IL1RAPL1: variants seen among roughly 807,000 people sequenced by gnomAD.
The protein encoded by IL1RAPL1 is interleukin 1 receptor accessory protein like 1, also known as interleukin-1 receptor accessory protein-like 1.
In IL1RAPL1, 3 loss-of-function variants were observed where a neutral mutation model predicts 48.4. The observed-to-expected ratio is 0.06, with a 90% CI of 0.03 to 0.16. The LOEUF is 0.16. IL1RAPL1 is among the 10% of genes least tolerant of loss of function. The probability of loss-of-function intolerance (pLI) is 1.00; values close to 1 mark genes in which losing one functional copy is unlikely to be tolerated. For missense variants in IL1RAPL1, 349 were observed against 530.6 expected, an observed-to-expected ratio of 0.66 and a Z score of 3.36; for synonymous variants, 185 against 187.7, an observed-to-expected ratio of 0.99 and a Z score of 0.12.
At chrX:28,971,072 T>C (rs1925059338) in intron 2 of IL1RAPL1, among the ~76,000 whole-genome samples, 1 of 111,228 alleles carries the variant, frequency 9.0e-6, no homozygotes, top group Non-Finnish European at 1.9e-5. Context: ...CACACTGCTT[T>C]CCCTGATTTT....
chrX:29,673,083 A>G lies in IL1RAPL1; in HGVS notation c.778+4579A>G, dbSNP rs779104778. The stretch of plus-strand genomic sequence containing the variant: ...AGCACTCCTTGGCTTGTTCCACCAT[A>G]CTGTAGTTGCAGAATTTTAGATTTG... On this transcript the variant is annotated intron_variant, in intron 6 of 10. Coordinates refer to ENST00000378993, the MANE Select transcript of IL1RAPL1 (RefSeq NM_014271.4). 4.5e-5 allele frequency among the ~76,000 whole-genome samples: 5 copies of G among 111,944 alleles called. No homozygotes were observed. In the South Asian group the frequency reaches 1.9e-3, roughly 42 times the overall value.
intron 6 of IL1RAPL1, among the ~76,000 whole-genome samples, chrX:29,802,851 G>GTA (rs1184442660): frequency 1.2e-5 from 1 of 86,071 alleles, no homozygotes; most frequent in Non-Finnish European, 2.2e-5. Flanking sequence ...ACATATATGT[G>GTA]TATATACGTG....
intron 6 of IL1RAPL1, among the ~76,000 whole-genome samples, chrX:29,715,506 T>C (rs1369313401): frequency 8.9e-6 from 1 of 111,823 alleles, no homozygotes; most frequent in Non-Finnish European, 1.9e-5. Context: ...GAGTGACTGA[T>C]TGCCACAAGC....
chrX:29,850,456 C>A (rs1473556760), intron 6 of IL1RAPL1, among the ~76,000 whole-genome samples: 1 of 112,182 alleles, frequency 8.9e-6, no homozygotes, highest in Non-Finnish European at 1.9e-5. Context: ...TAATTGGGAC[C>A]TTAAGGACCC....
chrX:29,721,796 ATGTT>A (rs1451028184), intron 6 of IL1RAPL1, among the ~76,000 whole-genome samples: 2 of 112,076 alleles, frequency 1.8e-5, no homozygotes, highest in Admixed American at 9.5e-5. Flanking sequence ...AGATTGGACA[ATGTT>A]TGAAGAATAT....
chrX:29,660,213 G>A (rs1425406894), intron 5 of IL1RAPL1, among the ~76,000 whole-genome samples: 1 of 111,974 alleles, frequency 8.9e-6, no homozygotes, highest in African/African-American at 3.2e-5. Context: ...ATGAGATTTG[G>A]ATGGGGATGC....
At chrX:29,038,903 G>C (rs183030144) in intron 2 of IL1RAPL1, among the ~76,000 whole-genome samples, 165 of 110,660 alleles carry the variant, frequency 1.5e-3, no homozygotes, top group African/African-American at 5.3e-3. Context: ...TCCAATTTCA[G>C]TTTCTCTAAA....
At chrX:29,409,783 C>T (rs1934117137) in intron 5 of IL1RAPL1, among the ~76,000 whole-genome samples, 1 of 108,130 alleles carries the variant, frequency 9.2e-6, no homozygotes, top group African/African-American at 3.4e-5. Flanking sequence ...TTAACACCTA[C>T]TGAGTGTTCA....
At chrX:28,983,650 C>G (rs1925396527) in intron 2 of IL1RAPL1, among the ~76,000 whole-genome samples, 1 of 111,612 alleles carries the variant, frequency 9.0e-6, no homozygotes, top group Non-Finnish European at 1.9e-5. Flanking sequence ...ATTTCCATAT[C>G]ATATTATTCT....
chrX:28,892,483 T>G (rs1922797714), intron 2 of IL1RAPL1, among the ~76,000 whole-genome samples: 1 of 111,444 alleles, frequency 9.0e-6, no homozygotes, highest in African/African-American at 3.3e-5. Context: ...TTTTACTTCT[T>G]TTGTGATTCT....
chrX:28,634,260 T>G (rs1323511893), intron 1 of IL1RAPL1, among the ~76,000 whole-genome samples: 1 of 110,001 alleles, frequency 9.1e-6, no homozygotes, highest in African/African-American at 3.3e-5. Flanking sequence ...CCTAGGCCTC[T>G]TAACATGCCG....
At chrX:28,760,721 C>T (rs1016377542) in intron 1 of IL1RAPL1, among the ~76,000 whole-genome samples, 2 of 111,824 alleles carry the variant, frequency 1.8e-5, no homozygotes, top group Non-Finnish European at 1.9e-5. Flanking sequence ...CATCACTGAT[C>T]ATCAGAGAAA....
chrX:28,808,792 ATT>A (rs1936759715), intron 2 of IL1RAPL1, among the ~76,000 whole-genome samples: 2 of 110,608 alleles, frequency 1.8e-5, no homozygotes, highest in South Asian at 3.7e-4. Context: ...TGCAATTATT[ATT>A]TTTAGGAGAA....
chrX:29,661,827 A>C (rs1315803827), intron 5 of IL1RAPL1, among the ~76,000 whole-genome samples: 2 of 111,614 alleles, frequency 1.8e-5, no homozygotes, highest in Non-Finnish European at 3.8e-5. Flanking sequence ...AAATTTTGTT[A>C]GTTCTACTTA....
chrX:29,627,534 C>T (rs1924649932), intron 5 of IL1RAPL1, among the ~76,000 whole-genome samples: 1 of 111,999 alleles, frequency 8.9e-6, no homozygotes, highest in South Asian at 3.7e-4. Context: ...ATTTGTTTAA[C>T]GAACTCTCTC....
At chrX:28,964,502 A>G (rs113700028) in intron 2 of IL1RAPL1, among the ~76,000 whole-genome samples, 1,165 of 111,612 alleles carry the variant, frequency 0.01, 16 homozygotes, top group African/African-American at 0.036. Flanking sequence ...TATGGTGCTT[A>G]TTCATTTACA....
At chrX:28,827,518 A>T (rs7885446) in intron 2 of IL1RAPL1, among the ~76,000 whole-genome samples, 10,843 of 111,423 alleles carry the variant, frequency 0.097, 1,084 homozygotes, top group African/African-American at 0.29. Context: ...TTAATTCATA[A>T]AAAGAACCCC....
chrX:29,255,772 C>T (rs1931746993), intron 2 of IL1RAPL1, among the ~76,000 whole-genome samples: 1 of 111,084 alleles, frequency 9.0e-6, no homozygotes, highest in South Asian at 3.8e-4. Flanking sequence ...ATCCGTGTTG[C>T]TGCAAAGGAC....
Position 29,477,952 on chromosome X carries a change from C to G in IL1RAPL1, c.703+78644C>G, listed in dbSNP as rs1266825224. The stretch of plus-strand genomic sequence containing the variant: ...CCAAAAGAACAAACCACAAGTAATT[C>G]ACAGAAGAAATACAAATAGTTAAAA... On this transcript the variant is annotated intron_variant, in intron 5 of 10. Coordinates refer to ENST00000378993, the MANE Select transcript of IL1RAPL1 (RefSeq NM_014271.4). 7.1e-5 allele frequency among the ~76,000 whole-genome samples: 8 copies of G among 112,205 alleles called. No individual in the cohort carries two copies. In the Admixed American group the frequency reaches 7.5e-4, roughly 11 times the overall value.
Sources: allele counts gnomAD v4.1 joint callset (sites outside exome capture counted in the v4.1 genomes callset), GRCh38; gene constraint gnomAD v4.1.1; transcripts MANE v1.5; gene names NCBI Gene and HGNC (gene_info 2026-07-23, HGNC 2026-07-21).